TNFAIP8: variants seen among roughly 807,000 people sequenced by gnomAD.
The protein encoded by TNFAIP8 is tumor necrosis factor alpha-induced protein 8.
A neutral mutation model predicts 13.3 loss-of-function variants in TNFAIP8; 7 were observed. The ratio of observed to expected loss-of-function variants is 0.52; its 90% CI spans 0.30 to 0.99. The LOEUF is 0.99. Among genes scored for constraint, TNFAIP8 ranks in the 50% least tolerant of loss-of-function variants. TNFAIP8 has a pLI of 0.07. For synonymous variants in TNFAIP8, 94 were observed against 87.6 expected (o/e 1.07, Z -0.41); for missense variants, 258 against 236.9 (o/e 1.09, Z -0.58).
At chr5:119,315,633 AAC>A (rs1333818869) in intron 1 of TNFAIP8, among the ~76,000 whole-genome samples, 1 of 152,164 alleles carries the variant, frequency 6.6e-6, no homozygotes, top group Non-Finnish European at 1.5e-5. Flanking sequence ...AGTGTTGTTG[AAC>A]ACACTGAGGA....
At chr5:119,351,082 G>T (rs998560249), upstream of TNFAIP8, among the ~76,000 whole-genome samples, 2 of 151,670 alleles carry the variant, frequency 1.3e-5, no homozygotes, top group Non-Finnish European at 2.9e-5. Context: ...GGAATTCAGT[G>T]TATGATCATA....
intron 1 of TNFAIP8, among the ~76,000 whole-genome samples, chr5:119,312,555 G>A (rs1035376): frequency 0.91 from 137,682 of 151,924 alleles, 62,527 homozygotes; most frequent in East Asian, 0.99. Flanking sequence ...GACACCGCCA[G>A]AGGGGGCACA....
chr5:119,381,800 T>C (rs543753982), intron 1 of TNFAIP8, among the ~76,000 whole-genome samples: 5 of 152,002 alleles, frequency 3.3e-5, no homozygotes, highest in African/African-American at 1.2e-4. Flanking sequence ...GGCATGGTGG[T>C]GGGCACCTGT....
At chr5:119,330,715 C>T (rs547371302) in intron 1 of TNFAIP8, among the ~76,000 whole-genome samples, 12 of 152,300 alleles carry the variant, frequency 7.9e-5, no homozygotes, top group African/African-American at 2.4e-4. Flanking sequence ...GTGGAGTACA[C>T]ACACACGGAA....
At chr5:119,269,670 A>T (rs1504974) in intron 1 of TNFAIP8, among the ~76,000 whole-genome samples, 126,251 of 152,156 alleles carry the variant, frequency 0.83, 54,288 homozygotes, top group Non-Finnish European at 0.94. Context: ...AGAAGCTCTA[A>T]GTAGAAAAAG....
chr5:119,285,411 G>A (rs955844236), intron 1 of TNFAIP8, among the ~76,000 whole-genome samples: 1 of 152,062 alleles, frequency 6.6e-6, no homozygotes, highest in Non-Finnish European at 1.5e-5. Context: ...GTGGGAAGGA[G>A]TGCTGACTGC....
chr5:119,369,104 A>T (rs1368214207), intron 1 of TNFAIP8, among the ~76,000 whole-genome samples: 1 of 141,568 alleles, frequency 7.1e-6, no homozygotes, highest in African/African-American at 2.8e-5. Context: ...CCCAGGCTGG[A>T]GTACAGTGGT....
chr5:119,350,996 C>CTGTGTG lies in TNFAIP8; in HGVS notation c.2-41819_2-41818insGTGTGT, dbSNP rs1562012624. 3.1e-3 allele frequency among the ~76,000 whole-genome samples: 311 copies of CTGTGTG among 101,660 alleles called. 1 individual carries two copies. The highest frequency in any genetic ancestry group is 0.015 in the African/African-American group (304 of 19,992). The allele number at this position is 101,660 out of a possible 152,430, so 66.7% of individuals were successfully genotyped here. A position where few individuals can be genotyped will look rare whatever the true frequency, so the allele number is the denominator to read the frequency against. ...TGTGTGTGTAGAGAGAGGGGTCTCA[C>CTGTGTG]TCTGTGTGTGTGTGTGTGTGTGTGT... On this transcript the variant is annotated intron_variant, in intron 1 of 1. Transcript: ENST00000274456.
chr5:119,379,878 C>A (rs1344807391), intron 1 of TNFAIP8, among the ~76,000 whole-genome samples: 1 of 152,188 alleles, frequency 6.6e-6, no homozygotes, highest in Non-Finnish European at 1.5e-5. Flanking sequence ...TAGGCATGAG[C>A]CACTGTGGCT....
At chr5:119,333,664 A>G in intron 1 of TNFAIP8, 2 of 1,468,942 alleles carry the variant, frequency 1.4e-6, no homozygotes, top group Admixed American at 2.0e-5. Context: ...ATATGTTTAG[A>G]TATAATGTCT....
At position 119,283,238 on chromosome 5, in the gene TNFAIP8, C is replaced by A. The variant is rs556786666; in HGVS notation, c.1+14331C>A. On this transcript the variant is annotated intron_variant, in intron 1 of 1. Coordinates refer to the TNFAIP8 transcript ENST00000274456. Reference sequence around the variant, plus strand: ...GGCCATTCCGACTTTTTCTTTCATCCTCTTGAGGATCCCAATCACATGTAA... The same window carrying A: ...GGCCATTCCGACTTTTTCTTTCATCATCTTGAGGATCCCAATCACATGTAA... Among the ~76,000 whole-genome samples, 13 of 152,350 alleles carry A rather than the reference C, an allele frequency of 8.5e-5. No homozygotes were observed. In the East Asian group the frequency reaches 1.3e-3, roughly 16 times the overall value.
At chr5:119,367,945 A>G (rs1751923752) in intron 1 of TNFAIP8, among the ~76,000 whole-genome samples, 2 of 152,182 alleles carry the variant, frequency 1.3e-5, no homozygotes, top group African/African-American at 4.8e-5. Flanking sequence ...ATAAGAGGAT[A>G]TTTGAATAGT....
At chr5:119,279,995 G>C (rs547284351) in intron 1 of TNFAIP8, among the ~76,000 whole-genome samples, 1 of 152,002 alleles carries the variant, frequency 6.6e-6, no homozygotes, top group Non-Finnish European at 1.5e-5. Flanking sequence ...AATTTTTTCC[G>C]TCAGTTGGCT....
chr5:119,302,515 A>G (rs543513960), intron 1 of TNFAIP8, among the ~76,000 whole-genome samples: 5 of 152,086 alleles, frequency 3.3e-5, no homozygotes, highest in Admixed American at 2.0e-4. Context: ...AAAATGATTT[A>G]TTTTTCTCTT....
intron 1 of TNFAIP8, among the ~76,000 whole-genome samples, chr5:119,272,493 A>T (rs1002724121): frequency 2.6e-5 from 4 of 152,234 alleles, no homozygotes; most frequent in Non-Finnish European, 5.9e-5. Context: ...GTAGAATGAT[A>T]TTCAAAATAT....
Position 119,391,295 on chromosome 5 carries a change from T to C in TNFAIP8, c.32-1521T>C, listed in dbSNP as rs1020812783. The C allele has an allele frequency of 7.3e-6, 5 of 684,296 alleles. No individual in the cohort carries two copies. In the African/African-American group the frequency reaches 8.8e-5, roughly 12 times the overall value. The allele number at this position is 684,296 out of a possible 1,614,324, so 42.4% of individuals were successfully genotyped here. On this transcript the variant is annotated intron_variant, in intron 1 of 1. Transcript: ENST00000504771. Reference sequence around the variant, plus strand: ...CTTATATAATCATTGATGCCTTGACTCATTTGTATGTATCTGTATTTTTAA... The same window carrying C: ...CTTATATAATCATTGATGCCTTGACCCATTTGTATGTATCTGTATTTTTAA...
intron 1 of TNFAIP8, among the ~76,000 whole-genome samples, chr5:119,329,053 A>T (rs1031925122): frequency 6.6e-6 from 1 of 152,236 alleles, no homozygotes; most frequent in Non-Finnish European, 1.5e-5. Context: ...AGACAGACGT[A>T]GATGCTCATT....
chr5:119,283,593 C>G (rs961748419), intron 1 of TNFAIP8, among the ~76,000 whole-genome samples: 4 of 152,184 alleles, frequency 2.6e-5, no homozygotes, highest in African/African-American at 9.7e-5. Flanking sequence ...GGAGAGCTTG[C>G]TGTAAGAGAG....
chr5:119,279,486 T>C (rs1748565015), intron 1 of TNFAIP8, among the ~76,000 whole-genome samples: 1 of 152,210 alleles, frequency 6.6e-6, no homozygotes, highest in Non-Finnish European at 1.5e-5. Flanking sequence ...TGTCATCTTG[T>C]ATTTGTGAGA....
Sources: allele counts gnomAD v4.1 joint callset (sites outside exome capture counted in the v4.1 genomes callset), GRCh38; gene constraint gnomAD v4.1.1; transcripts MANE v1.5; gene names NCBI Gene and HGNC (gene_info 2026-07-23, HGNC 2026-07-21).